PSMD14: variants seen among roughly 807,000 people sequenced by gnomAD.
PSMD14 encodes ubiquitin C-terminal hydrolase PSMD14.
A neutral mutation model predicts 41.2 loss-of-function variants in PSMD14; 7 were observed. The ratio of observed to expected loss-of-function variants is 0.17; its 90% confidence interval spans 0.10 to 0.32. PSMD14 has a LOEUF of 0.32. Among genes scored for constraint, PSMD14 ranks in the 10% least tolerant of loss-of-function variants. The probability of loss-of-function intolerance (pLI) is 1.00; values close to 1 mark genes in which losing one functional copy is unlikely to be tolerated. For synonymous variants in PSMD14, 114 were observed against 122.3 expected, an observed-to-expected ratio of 0.93 and a Z score of 0.45; for missense variants, 139 against 375.6, an observed-to-expected ratio of 0.37 and a Z score of 5.21.
intron 9 of PSMD14, 58 bp downstream of exon 9, chr2:161,391,236 T>A: frequency 7.0e-7 from 1 of 1,425,046 alleles, no homozygotes; most frequent in Non-Finnish European, 9.3e-7. Flanking sequence ...CCATTTAAAC[T>A]ATTACCTGGT....
At chr2:161,360,789 G>A (rs1683279638) in intron 3 of PSMD14, among the ~76,000 whole-genome samples, 1 of 152,018 alleles carries the variant, frequency 6.6e-6, no homozygotes, top group African/African-American at 2.4e-5. Flanking sequence ...GCCTGCCTTG[G>A]CCTCCCAAAG....
intron 10 of PSMD14, among the ~76,000 whole-genome samples, chr2:161,405,298 C>G (rs1363050984): frequency 1.3e-5 from 2 of 152,140 alleles, no homozygotes; most frequent in African/African-American, 2.4e-5. Flanking sequence ...CCCTCTGTTT[C>G]CCCAGGTGAT....
At chr2:161,319,660 A>G (rs968758212) in intron 3 of PSMD14, among the ~76,000 whole-genome samples, 1 of 152,152 alleles carries the variant, frequency 6.6e-6, no homozygotes, top group African/African-American at 2.4e-5. Flanking sequence ...ATATTTTTAT[A>G]GTCCCTTTTA....
Position 161,408,481 on chromosome 2 carries a change from A to G in PSMD14, c.772-356A>G, listed in dbSNP as rs528377857. On this transcript the variant is annotated intron_variant, in intron 10 of 11. Transcript: ENST00000409682. ...GTGCAAATAGGAAAAGGAGAGAGCA[A>G]CAGAACAGAATTAGTACCACAGTGC... 6.8e-4 allele frequency: 155 copies of G among 229,570 alleles called. 2 individuals carry two copies. In the South Asian group the frequency reaches 8.2e-3, roughly 12 times the overall value. 14.2% of individuals were successfully genotyped at this position (229,570 alleles called of 1,614,324 possible).
At chr2:161,388,886 G>A in intron 8 of PSMD14, among the ~76,000 whole-genome samples, 1 of 152,086 alleles carries the variant, frequency 6.6e-6, no homozygotes, top group Non-Finnish European at 1.5e-5. Context: ...GTCTTGTGTA[G>A]TTCTACATGA....
intron 10 of PSMD14, among the ~76,000 whole-genome samples, chr2:161,403,665 T>C (rs527393449): frequency 6.6e-6 from 1 of 152,240 alleles, no homozygotes; most frequent in African/African-American, 2.4e-5. Context: ...TGTTGCTTTA[T>C]TTCTTATCAC....
At chr2:161,349,992 A>C (rs200094141) in intron 3 of PSMD14, among the ~76,000 whole-genome samples, 28 of 152,246 alleles carry the variant, frequency 1.8e-4, no homozygotes, top group African/African-American at 6.5e-4. Context: ...TATTCTTTTC[A>C]TAAGAGGGAA....
At chr2:161,391,537 G>A (rs1199305387) in intron 9 of PSMD14, among the ~76,000 whole-genome samples, 1 of 152,030 alleles carries the variant, frequency 6.6e-6, no homozygotes, top group Non-Finnish European at 1.5e-5. Flanking sequence ...ATATTGCTCT[G>A]TAAATTTGAG....
intron 7 of PSMD14, chr2:161,382,074 G>C (rs1683577190): frequency 6.6e-6 from 1 of 151,748 alleles, no homozygotes; most frequent in African/African-American, 2.4e-5. Context: ...AGTATAATGT[G>C]TACAATTCAC....
At chr2:161,403,344 T>A (rs991250494) in intron 10 of PSMD14, among the ~76,000 whole-genome samples, 7 of 151,858 alleles carry the variant, frequency 4.6e-5, no homozygotes, top group African/African-American at 1.7e-4. Flanking sequence ...ACTAGGCAAA[T>A]CCATAGAGAC....
At chr2:161,354,857 C>A (rs1683173458) in intron 3 of PSMD14, among the ~76,000 whole-genome samples, 1 of 152,146 alleles carries the variant, frequency 6.6e-6, no homozygotes, top group African/African-American at 2.4e-5. Flanking sequence ...TCCCCCTCTC[C>A]CCTGCTATTA....
chr2:161,371,369 T>C (rs2105257873), intron 7 of PSMD14, 47 bp downstream of exon 7: 1 of 1,525,688 alleles, frequency 6.6e-7, no homozygotes, highest in East Asian at 2.3e-5. Flanking sequence ...ACATTCTGTT[T>C]ACAGATACAT....
chr2:161,409,607 T>C (rs575575980), intron 11 of PSMD14: 1 of 152,232 alleles, frequency 6.6e-6, no homozygotes, highest in East Asian at 1.9e-4. Flanking sequence ...ACAAGCTATG[T>C]AGGTTTGGGC....
chr2:161,366,275 G>A (rs553782562), intron 3 of PSMD14, among the ~76,000 whole-genome samples: 1 of 151,998 alleles, frequency 6.6e-6, no homozygotes, highest in South Asian at 2.1e-4. Flanking sequence ...TTGAACAAAA[G>A]TAAATAAAAA....
chr2:161,370,285 T>TC, intron 6 of PSMD14, 108 bp downstream of exon 6: 1 of 832,132 alleles, frequency 1.2e-6, no homozygotes, highest in Non-Finnish European at 1.8e-6. Context: ...AGTGGTTATG[T>TC]AATTGACATA....
At chr2:161,386,226 T>G (rs1052568471) in intron 8 of PSMD14, among the ~76,000 whole-genome samples, 1 of 151,870 alleles carries the variant, frequency 6.6e-6, no homozygotes, top group Non-Finnish European at 1.5e-5. Context: ...TCTGCAAAAA[T>G]TATTTTAAAT....
intron 3 of PSMD14, chr2:161,340,755 C>T (rs1559042209): frequency 6.2e-7 from 1 of 1,611,092 alleles, no homozygotes; most frequent in Non-Finnish European, 8.5e-7. Flanking sequence ...CATTTTATCT[C>T]TCAAGCTTTT....
intron 3 of PSMD14, among the ~76,000 whole-genome samples, chr2:161,366,986 C>G (rs562752931): frequency 2.0e-5 from 3 of 152,174 alleles, no homozygotes; most frequent in African/African-American, 7.2e-5. Context: ...CATTAGGTGA[C>G]ATGCAGAGGA....
At position 161,390,410 on chromosome 2, in the gene PSMD14, G is replaced by A. The variant is rs188557904; in HGVS notation, c.571-694G>A. On this transcript the variant is annotated intron_variant, in intron 8 of 11. Coordinates refer to ENST00000409682, the MANE Select transcript of PSMD14 (RefSeq NM_005805.6). Reference sequence around the variant, plus strand: ...CATTTGAACACTTGATGTTGTCAGAGTTAGATATGGGGGCAGTTGTGAATT... The same window carrying A: ...CATTTGAACACTTGATGTTGTCAGAATTAGATATGGGGGCAGTTGTGAATT... Among the ~76,000 whole-genome samples the A allele has an allele frequency of 4.6e-5, 7 of 152,274 alleles. No individual in the cohort carries two copies. In the East Asian group the frequency reaches 1.4e-3, roughly 29 times the overall value.
Sources: allele counts gnomAD v4.1 joint callset (sites outside exome capture counted in the v4.1 genomes callset), GRCh38; gene constraint gnomAD v4.1.1; transcripts MANE v1.5; gene names NCBI Gene and HGNC (gene_info 2026-07-23, HGNC 2026-07-21).